SCAMP1: variants seen among roughly 807,000 people sequenced by gnomAD.
SCAMP1 encodes the protein secretory carrier-associated membrane protein 1.
A neutral mutation model predicts 41.8 loss-of-function variants in SCAMP1; 15 were observed. That is an observed-to-expected ratio of 0.36 (90% CI 0.24 to 0.55). SCAMP1 has a LOEUF of 0.55. Among genes scored for constraint, SCAMP1 ranks in the 20% least tolerant of loss-of-function variants. The probability of loss-of-function intolerance (pLI) is 0.86; values close to 1 mark genes in which losing one functional copy is unlikely to be tolerated. For synonymous variants in SCAMP1, 135 were observed against 136.8 expected (o/e 0.99, Z 0.09); for missense variants, 341 against 412.6 (o/e 0.83, Z 1.50).
chr5:78,452,185 C>T lies in SCAMP1; in HGVS notation c.734+2151C>T, dbSNP rs997975778. Reference sequence around the variant, plus strand: ...GATGTTGCACATTTAGTTTTCTTTTCTTTTTTTTTTTATTATACTTTAAGT... The same window carrying T: ...GATGTTGCACATTTAGTTTTCTTTTTTTTTTTTTTTTATTATACTTTAAGT... On this transcript the variant is annotated intron_variant, in intron 7 of 8. Coordinates refer to ENST00000621999, the MANE Select transcript of SCAMP1 (RefSeq NM_004866.6). Among the ~76,000 whole-genome samples the T allele has an allele frequency of 1.1e-3, 164 of 146,036 alleles. 3 individuals carry two copies. Among genetic ancestry groups the T allele is most frequent in the African/African-American group, 3.9e-3 (158 of 40,194 alleles).
intron 7 of SCAMP1, among the ~76,000 whole-genome samples, chr5:78,450,964 A>G (rs1488648282): frequency 2.0e-5 from 3 of 152,140 alleles, no homozygotes; most frequent in African/African-American, 7.2e-5. Flanking sequence ...AGTAGTTTTT[A>G]TTATTATTTT....
intron 6 of SCAMP1, among the ~76,000 whole-genome samples, chr5:78,443,864 C>G (rs944913814): frequency 2.6e-5 from 4 of 151,780 alleles, no homozygotes; most frequent in Admixed American, 1.3e-4. Context: ...CTGTATTGCC[C>G]CACGCTGGTC....
chr5:78,378,756 A>C (rs1440573895), intron 1 of SCAMP1, among the ~76,000 whole-genome samples: 2 of 152,260 alleles, frequency 1.3e-5, no homozygotes, highest in Non-Finnish European at 2.9e-5. Context: ...TATTTAAATT[A>C]AACTCTGAAG....
At chr5:78,367,718 C>T (rs779886320) in intron 1 of SCAMP1, among the ~76,000 whole-genome samples, 2 of 152,120 alleles carry the variant, frequency 1.3e-5, no homozygotes, top group African/African-American at 4.8e-5. Flanking sequence ...TATAAAATGG[C>T]GAGGTAGTCG....
chr5:78,414,258 AT>A (rs1194887003), intron 2 of SCAMP1, among the ~76,000 whole-genome samples: 1 of 151,434 alleles, frequency 6.6e-6, no homozygotes, highest in Non-Finnish European at 1.5e-5. Flanking sequence ...AGCTTGCTTT[AT>A]TTTTTAATTT....
chr5:78,365,472 C>CAAAAAA (rs35765310), intron 1 of SCAMP1, among the ~76,000 whole-genome samples: 1 of 55,576 alleles, frequency 1.8e-5, no homozygotes, highest in African/African-American at 7.6e-5. Flanking sequence ...AGACTCATCT[C>CAAAAAA]AAAAAAAAAA....
At chr5:78,430,521 C>T (rs752703206) in intron 6 of SCAMP1, among the ~76,000 whole-genome samples, 11 of 151,242 alleles carry the variant, frequency 7.3e-5, no homozygotes, top group African/African-American at 1.9e-4. Context: ...TTTCCCAAAG[C>T]GAAGTCTCAA....
In SCAMP1 at chr5:78,477,694, C is replaced by A. The variant is rs1239775752; in HGVS notation, c.*2026C>A. 6.6e-6 allele frequency: 1 copy of A among 152,000 alleles called. No individual in the cohort carries two copies. Among genetic ancestry groups the A allele is most frequent in the Non-Finnish European group, 1.5e-5 (1 of 67,944 alleles). The allele number at this position is 152,000 out of a possible 1,614,324, so 9.4% of individuals were successfully genotyped here. A position where few individuals can be genotyped will look rare whatever the true frequency, so the allele number is the denominator to read the frequency against. ...ATTAAATAGCAAAGAATAATTAGAACCCACATATCTTTTTTTGTGTGGATG... is the reference window on the plus strand; with the variant it reads ...ATTAAATAGCAAAGAATAATTAGAAACCACATATCTTTTTTTGTGTGGATG... On this transcript the variant is annotated 3_prime_UTR_variant, in exon 9 of 9. Coordinates refer to ENST00000621999, the MANE Select transcript of SCAMP1 (RefSeq NM_004866.6).
At chr5:78,403,071 A>G (rs940915714) in intron 2 of SCAMP1, among the ~76,000 whole-genome samples, 1 of 152,210 alleles carries the variant, frequency 6.6e-6, no homozygotes, top group Non-Finnish European at 1.5e-5. Context: ...GGGTTTCACC[A>G]TGTTGGCCAT....
Position 78,418,790 on chromosome 5 carries a change from G to T in SCAMP1, c.359G>T (p.Trp120Leu). The change falls in exon 5 of 9, where the codon TGG (tryptophan) becomes TTG (leucine). Residue 120 changes from tryptophan to leucine, a missense_variant. Physicochemically the swap from Trp to Leu is moderately conservative, Grantham distance 61 (BLOSUM62 -2). Transcript: ENST00000621999. ...AAATTTACAGGTAGAAAAAATAATTGGCCACCTCTTCCTAGCAATTTTCCT... is the reference window on the plus strand; with the variant it reads ...AAATTTACAGGTAGAAAAAATAATTTGCCACCTCTTCCTAGCAATTTTCCT... ...NLSQHGRKNNWPPLPSNFPVG... is the reference protein window; with the variant it reads ...NLSQHGRKNNLPPLPSNFPVG... 1 of 1,535,570 alleles carries T rather than the reference G, an allele frequency of 6.5e-7. No homozygotes were observed. Among genetic ancestry groups the T allele is most frequent in the Non-Finnish European group, 8.8e-7 (1 of 1,139,316 alleles).
At position 78,462,640 on chromosome 5, in the gene SCAMP1, C is replaced by G. The variant is rs80233593; in HGVS notation, c.852+3278C>G. Among the ~76,000 whole-genome samples, 176 of 152,210 alleles carry G rather than the reference C, an allele frequency of 1.2e-3. 8 individuals carry two copies. In the East Asian group the frequency reaches 0.031, roughly 27 times the overall value. On this transcript the variant is annotated intron_variant, in intron 8 of 8. Coordinates refer to ENST00000621999, the MANE Select transcript of SCAMP1 (RefSeq NM_004866.6). Reference sequence around the variant, plus strand: ...ACCCAGTCTGTATCTTGAAACTTTACTCAAGTTAGTTATCAGGTTTAGGAG... The same window carrying G: ...ACCCAGTCTGTATCTTGAAACTTTAGTCAAGTTAGTTATCAGGTTTAGGAG...
intron 1 of SCAMP1, among the ~76,000 whole-genome samples, chr5:78,380,728 G>GA (rs1334947818): frequency 6.6e-6 from 1 of 151,914 alleles, no homozygotes; most frequent in Non-Finnish European, 1.5e-5. Flanking sequence ...TGATTAAGAA[G>GA]AAAAAAAGAT....
intron 6 of SCAMP1, among the ~76,000 whole-genome samples, chr5:78,427,761 T>C (rs1752503123): frequency 6.6e-6 from 1 of 152,218 alleles, no homozygotes; most frequent in Non-Finnish European, 1.5e-5. Flanking sequence ...CTTGTGGCTT[T>C]AATTTGCATT....
chr5:78,454,469 A>G (rs1220899480), intron 7 of SCAMP1, among the ~76,000 whole-genome samples: 110 of 151,378 alleles, frequency 7.3e-4, no homozygotes, highest in African/African-American at 2.6e-3. Flanking sequence ...GGCTCTGTTT[A>G]TATGCTGGAT....
intron 1 of SCAMP1, among the ~76,000 whole-genome samples, chr5:78,362,914 A>G (rs1580635220): frequency 7.9e-6 from 1 of 127,006 alleles, no homozygotes; most frequent in Middle Eastern, 4.5e-3. Context: ...TTTTTTTGAG[A>G]CGGAGTCTTG....
At chr5:78,431,716 C>A (rs1752629787) in intron 6 of SCAMP1, among the ~76,000 whole-genome samples, 1 of 151,760 alleles carries the variant, frequency 6.6e-6, no homozygotes, top group East Asian at 1.9e-4. Flanking sequence ...CTGTAAGGAT[C>A]TCCCAGCAGA....
At chr5:78,367,909 A>G (rs1057052886) in intron 1 of SCAMP1, among the ~76,000 whole-genome samples, 4 of 152,108 alleles carry the variant, frequency 2.6e-5, no homozygotes, top group African/African-American at 9.6e-5. Context: ...TGGTTCCTTC[A>G]CCTGTTATTT....
At chr5:78,400,813 T>G (rs1398784325) in intron 2 of SCAMP1, among the ~76,000 whole-genome samples, 1 of 152,218 alleles carries the variant, frequency 6.6e-6, no homozygotes. Flanking sequence ...CTTATTTGTT[T>G]CTTCTTAATC....
At chr5:78,459,140 T>G in intron 7 of SCAMP1, 105 bp from the exon 8 acceptor site, 1 of 684,174 alleles carries the variant, frequency 1.5e-6, no homozygotes, top group Middle Eastern at 3.6e-4. Context: ...ATAAAGAACT[T>G]GAATATTGCC....
Sources: gnomAD v4.1 joint callset for allele counts (sites outside exome capture counted in the v4.1 genomes callset) on GRCh38, gnomAD v4.1.1 for gene constraint, MANE v1.5 for transcripts, NCBI Gene and HGNC (gene_info 2026-07-23, HGNC 2026-07-21) for gene names.